USH2A: variants seen among roughly 807,000 people sequenced by gnomAD.
USH2A encodes the protein Usher syndrome 2A (autosomal recessive, mild).
Under a neutral mutation model 538.9 loss-of-function variants are expected in USH2A, and 443 were observed. That is an observed-to-expected ratio of 0.82 (90% CI 0.76 to 0.89). The LOEUF is 0.89. Among genes scored for constraint, USH2A ranks in the 40% least tolerant of loss-of-function variants. The pLI, the probability that USH2A is intolerant of heterozygous loss-of-function variation, is 0.00. For synonymous variants in USH2A, 2,413 were observed against 2,273.5 expected, an observed-to-expected ratio of 1.06 and a Z score of -1.75; for missense variants, 6,633 against 6,324.8, an observed-to-expected ratio of 1.05 and a Z score of -1.65.
chr1:215,826,929 A>C (rs1663173976), intron 47 of USH2A, among the ~76,000 whole-genome samples: 2 of 152,178 alleles, frequency 1.3e-5, no homozygotes, highest in Non-Finnish European at 2.9e-5. Context: ...TTAGGGGATT[A>C]AAAATACTTC....
At chr1:215,721,550 C>T (rs1659659825) in intron 61 of USH2A, among the ~76,000 whole-genome samples, 1 of 152,120 alleles carries the variant, frequency 6.6e-6, no homozygotes, top group Non-Finnish European at 1.5e-5. Context: ...AAATATGGCT[C>T]TTTCAAAGAT....
At chr1:215,879,211 C>T in intron 41 of USH2A, 113 bp from the exon 42 acceptor site, 1 of 867,218 alleles carries the variant, frequency 1.2e-6, no homozygotes, top group East Asian at 2.5e-5. Flanking sequence ...TTCTAAATGG[C>T]TACATTCTCC....
rs1660922779 is a variant in USH2A at position 215,759,701 on chromosome 1, CT to C, written c.11189del (p.Glu3730GlyfsTer20). The C allele has an allele frequency of 5.6e-6, 9 of 1,614,008 alleles. No individual in the cohort carries two copies. Among genetic ancestry groups the C allele is most frequent in the Non-Finnish European group, 7.6e-6 (9 of 1,179,930 alleles). On this transcript the variant is annotated frameshift_variant, in exon 57 of 72. Coordinates refer to ENST00000307340, the MANE Select transcript of USH2A (RefSeq NM_206933.4). LOFTEE classifies it high-confidence loss of function. ...NGNLLFLGGS[E>X]EQNFTDKNLE... ...GGTTTTTATCAGTGAAATTCTGCTC[CT>C]CACTGCCACCCAGGAAAAGCAAGTT...
At chr1:215,809,712 G>A (rs1377694667) in intron 49 of USH2A, among the ~76,000 whole-genome samples, 1 of 152,024 alleles carries the variant, frequency 6.6e-6, no homozygotes, top group African/African-American at 2.4e-5. Flanking sequence ...ATTAAAAAAG[G>A]GAGAGAAATG....
intron 70 of USH2A, among the ~76,000 whole-genome samples, chr1:215,631,923 G>T (rs1429598370): frequency 1.3e-5 from 2 of 152,234 alleles, no homozygotes; most frequent in African/African-American, 4.8e-5. Flanking sequence ...AGGACAGCAA[G>T]GTCTAACCAG....
chr1:216,180,905 A>G (rs938729342), intron 20 of USH2A, among the ~76,000 whole-genome samples: 1 of 152,110 alleles, frequency 6.6e-6, no homozygotes, highest in Admixed American at 6.6e-5. Flanking sequence ...GGACGCAAAC[A>G]AGAAGTCCAG....
chr1:216,019,275 G>C (rs1668788878), intron 32 of USH2A, among the ~76,000 whole-genome samples: 1 of 152,154 alleles, frequency 6.6e-6, no homozygotes, highest in Non-Finnish European at 1.5e-5. Context: ...CAAGCTTAAG[G>C]AGAAATGTTT....
intron 37 of USH2A, among the ~76,000 whole-genome samples, chr1:215,948,423 C>CATATAT (rs1167914331): frequency 9.0e-5 from 8 of 88,634 alleles, no homozygotes; most frequent in South Asian, 4.4e-4. Context: ...CATATTTGTT[C>CATATAT]AGATATATAT....
In USH2A at chr1:216,356,797, C is replaced by G. The variant is rs569853368; in HGVS notation, c.784+8156G>C. On this transcript the variant is annotated intron_variant, in intron 4 of 71. Coordinates refer to ENST00000307340, the MANE Select transcript of USH2A (RefSeq NM_206933.4). ...GAACATTTTGAGTATGTATTTAAGT[C>G]TTTGTCTAATTATATTCTCGAGATA... Among the ~76,000 whole-genome samples the G allele has an allele frequency of 2.6e-5, 4 of 152,042 alleles. No homozygotes were observed. The East Asian group carries it at 7.7e-4, about 29-fold the overall frequency.
intron 9 of USH2A, among the ~76,000 whole-genome samples, chr1:216,298,343 T>G (rs1161005603): frequency 1.3e-5 from 2 of 152,310 alleles, no homozygotes; most frequent in South Asian, 2.1e-4. Context: ...TAGGAAGACA[T>G]TTTTGCTTTT....
At chr1:215,984,210 C>T (rs1667818844) in intron 35 of USH2A, among the ~76,000 whole-genome samples, 1 of 152,174 alleles carries the variant, frequency 6.6e-6, no homozygotes, top group Non-Finnish European at 1.5e-5. Flanking sequence ...CATAAAAAAT[C>T]ACTTACTCTA....
intron 22 of USH2A, among the ~76,000 whole-genome samples, chr1:216,095,282 G>T (rs2032413140): frequency 6.6e-6 from 1 of 151,976 alleles, no homozygotes; most frequent in African/African-American, 2.4e-5. Flanking sequence ...ACATTTTTAT[G>T]TATTTTGAGA....
chr1:216,321,605 A>T (rs2037611310), intron 9 of USH2A, among the ~76,000 whole-genome samples: 1 of 152,168 alleles, frequency 6.6e-6, no homozygotes, highest in Admixed American at 6.6e-5. Context: ...AAACATGATA[A>T]TGCTGATGAA....
chr1:215,866,663 G>A (rs1664477561), intron 44 of USH2A, among the ~76,000 whole-genome samples: 1 of 152,184 alleles, frequency 6.6e-6, no homozygotes, highest in Non-Finnish European at 1.5e-5. Flanking sequence ...TATCACAATT[G>A]CCTGGTATGA....
Position 216,190,206 on chromosome 1 carries a change from C to A in USH2A, c.4396+17G>T. The A allele has an allele frequency of 6.2e-7, 1 of 1,611,596 alleles. No homozygotes were observed. Among genetic ancestry groups the A allele is most frequent in the Admixed American group, 1.7e-5 (1 of 59,764 alleles). ...TGATAGGCAACAGATTTTTCATATC[C>A]ATTAAAACTTGCTTACCTGCTGCTA... On this transcript the variant is annotated intron_variant, in intron 20 of 71. Transcript: ENST00000307340.
chr1:216,309,699 ATTAAG>A (rs1431030475), intron 9 of USH2A, among the ~76,000 whole-genome samples: 9 of 152,046 alleles, frequency 5.9e-5, no homozygotes, highest in Admixed American at 3.9e-4. Flanking sequence ...CATATTTTCT[ATTAAG>A]TTGAGTATGT....
chr1:215,967,676 G>A (rs57547189), intron 36 of USH2A, among the ~76,000 whole-genome samples: 6,781 of 150,900 alleles, frequency 0.045, 221 homozygotes, highest in African/African-American at 0.09. Flanking sequence ...CCCCTATAGC[G>A]TTTGCTTGAC....
intron 67 of USH2A, among the ~76,000 whole-genome samples, chr1:215,646,579 T>C (rs2102641365): frequency 6.6e-6 from 1 of 152,130 alleles, no homozygotes; most frequent in South Asian, 2.1e-4. Flanking sequence ...CAGGCTGGAG[T>C]ACAGTGGCGT....
intron 32 of USH2A, among the ~76,000 whole-genome samples, chr1:216,011,558 A>T (rs1421744927): frequency 6.6e-6 from 1 of 152,078 alleles, no homozygotes; most frequent in African/African-American, 2.4e-5. Flanking sequence ...CAGAATTCTT[A>T]CACAAGAGCC....
Sources: gnomAD v4.1 joint callset for allele counts (sites outside exome capture counted in the v4.1 genomes callset) on GRCh38, gnomAD v4.1.1 for gene constraint, MANE v1.5 for transcripts, NCBI Gene and HGNC (gene_info 2026-07-23, HGNC 2026-07-21) for gene names.